Variants in GOLGA1 observed in about 807,000 individuals in gnomAD.
GOLGA1 encodes golgin A1, also known as golgin subfamily A member 1.
GOLGA1 carries 63 observed loss-of-function variants against 119.7 expected under a neutral mutation model. The observed-to-expected ratio is 0.53, with a 90% CI of 0.43 to 0.65. GOLGA1 has a LOEUF of 0.65. GOLGA1 is among the 30% of genes least tolerant of loss of function. GOLGA1 has a pLI of 0.00. For missense variants in GOLGA1, 798 were observed against 912.8 expected, an observed-to-expected ratio of 0.87 and a Z score of 1.62; for synonymous variants, 318 against 333.4, an observed-to-expected ratio of 0.95 and a Z score of 0.50.
At chr9:124,931,987 C>T (rs1830779168) in intron 3 of GOLGA1, among the ~76,000 whole-genome samples, 1 of 152,194 alleles carries the variant, frequency 6.6e-6, no homozygotes, top group Non-Finnish European at 1.5e-5. Flanking sequence ...ACTACTATTG[C>T]TATAGGCACT....
chr9:124,880,983 C>T lies in GOLGA1; in HGVS notation c.2223+188G>A, dbSNP rs561545546. Reference sequence around the variant, plus strand: ...GCCTGTTGGTCAAGTACAGCACAGACATTTGGGCACAAAGGATGTCATCGC... The same window carrying T: ...GCCTGTTGGTCAAGTACAGCACAGATATTTGGGCACAAAGGATGTCATCGC... On this transcript the variant is annotated intron_variant, in intron 22 of 22. Transcript: ENST00000373555. Among the ~76,000 whole-genome samples the T allele has an allele frequency of 8.5e-5, 13 of 152,300 alleles. No homozygotes were observed. The South Asian group carries it at 1.9e-3, about 22-fold the overall frequency.
At chr9:124,906,900 T>A (rs998302727) in intron 12 of GOLGA1, among the ~76,000 whole-genome samples, 1 of 152,148 alleles carries the variant, frequency 6.6e-6, no homozygotes, top group African/African-American at 2.4e-5. Flanking sequence ...AAATGGAATA[T>A]ATTTACATTG....
At position 124,889,328 on chromosome 9, in the gene GOLGA1, G is replaced by T. The variant is rs759213642; in HGVS notation, c.1601-25C>A. On this transcript the variant is annotated intron_variant, in intron 17 of 22. Coordinates refer to ENST00000373555, the MANE Select transcript of GOLGA1 (RefSeq NM_002077.4). ...CCTAGGTCGGGGAGGAGGGGAGGGGGCACTGTGAGCCCAGTGACTCCATGC... is the reference window on the plus strand; with the variant it reads ...CCTAGGTCGGGGAGGAGGGGAGGGGTCACTGTGAGCCCAGTGACTCCATGC... The T allele has an allele frequency of 3.2e-5, 51 of 1,610,818 alleles. No homozygotes were observed. In the East Asian group the frequency reaches 1.1e-3, roughly 35 times the overall value.
At chr9:124,936,433 G>C (rs1409124211) in intron 3 of GOLGA1, among the ~76,000 whole-genome samples, 1 of 151,878 alleles carries the variant, frequency 6.6e-6, no homozygotes, top group East Asian at 1.9e-4. Flanking sequence ...CAAATGCTGG[G>C]ATCTTTTTTT....
intron 12 of GOLGA1, 142 bp downstream of exon 12, chr9:124,908,235 A>G (rs1830270673): frequency 1.6e-6 from 1 of 631,490 alleles, no homozygotes; most frequent in East Asian, 2.7e-5. Flanking sequence ...GAAAATGACT[A>G]ACTCATCCCT....
chr9:124,882,592 GAAAGCCA>G, intron 19 of GOLGA1, 23 bp from the exon 20 acceptor site: 2 of 1,603,326 alleles, frequency 1.2e-6, no homozygotes, highest in Non-Finnish European at 8.5e-7. Flanking sequence ...CCACCCCACA[GAAAGCCA>G]ATCGTTAGAT....
chr9:124,925,441 G>C (rs1378319505), intron 7 of GOLGA1, among the ~76,000 whole-genome samples: 1 of 150,918 alleles, frequency 6.6e-6, no homozygotes, highest in African/African-American at 2.4e-5. Context: ...CTGTTGCCAG[G>C]CACAGTGGCT....
At chr9:124,936,170 G>A (rs1652293894) in intron 3 of GOLGA1, among the ~76,000 whole-genome samples, 1 of 152,178 alleles carries the variant, frequency 6.6e-6, no homozygotes, top group Non-Finnish European at 1.5e-5. Flanking sequence ...ATCTGTCACA[G>A]AACCCAGCCT....
At chr9:124,892,264 TTC>T (rs1253679600) in intron 15 of GOLGA1, among the ~76,000 whole-genome samples, 2 of 152,114 alleles carry the variant, frequency 1.3e-5, no homozygotes, top group African/African-American at 4.8e-5. Flanking sequence ...CCATTTTATT[TTC>T]TATTTCATTA....
chr9:124,933,767 C>A (rs1830814872), intron 3 of GOLGA1, among the ~76,000 whole-genome samples: 1 of 152,106 alleles, frequency 6.6e-6, no homozygotes, highest in African/African-American at 2.4e-5. Context: ...CATGACCAGT[C>A]CCCAATAAAA....
chr9:124,939,716 C>T (rs1830962396), intron 2 of GOLGA1, among the ~76,000 whole-genome samples: 1 of 151,994 alleles, frequency 6.6e-6, no homozygotes, highest in Non-Finnish European at 1.5e-5. Context: ...GAATGCGCCA[C>T]TATGCCCGGC....
rs752185218 is a variant in GOLGA1, at chr9:124,917,860, T to TA, written c.843+3268_843+3269insT. Reference sequence around the variant, plus strand: ...GGATCTGATCTGATATATATATATATTTTTTTTTTGAGACGGAGTTTCGCT... The same window carrying TA: ...GGATCTGATCTGATATATATATATATATTTTTTTTTGAGACGGAGTTTCGCT... On this transcript the variant is annotated intron_variant, in intron 10 of 22. Transcript: ENST00000373555. Among the ~76,000 whole-genome samples the TA allele has an allele frequency of 3.2e-3, 480 of 148,500 alleles. 3 individuals carry two copies. The highest frequency in any genetic ancestry group is 0.024 in the Middle Eastern group (7 of 292).
At chr9:124,910,813 G>A (rs911943695) in intron 11 of GOLGA1, among the ~76,000 whole-genome samples, 1 of 152,126 alleles carries the variant, frequency 6.6e-6, no homozygotes, top group Non-Finnish European at 1.5e-5. Context: ...GATCCAGGTT[G>A]CACACTCCTT....
At chr9:124,898,990 G>A (rs919592800) in intron 14 of GOLGA1, among the ~76,000 whole-genome samples, 6 of 152,132 alleles carry the variant, frequency 3.9e-5, no homozygotes, top group African/African-American at 1.4e-4. Context: ...GAGCCTAGGC[G>A]TTCAAGACCA....
At chr9:124,924,166 T>G (rs891976334) in intron 7 of GOLGA1, among the ~76,000 whole-genome samples, 1 of 152,150 alleles carries the variant, frequency 6.6e-6, no homozygotes, top group African/African-American at 2.4e-5. Context: ...TTATTTTACA[T>G]GTCTATTCTT....
intron 19 of GOLGA1, among the ~76,000 whole-genome samples, chr9:124,885,012 T>A (rs1003482007): frequency 2.6e-5 from 4 of 151,834 alleles, no homozygotes; most frequent in African/African-American, 9.7e-5. Context: ...CTGGCCAACA[T>A]GGCAAAACCC....
intron 19 of GOLGA1, among the ~76,000 whole-genome samples, chr9:124,885,831 CAG>C (rs1306333582): frequency 6.6e-6 from 1 of 152,132 alleles, no homozygotes; most frequent in Non-Finnish European, 1.5e-5. Flanking sequence ...AAGAGATCAA[CAG>C]AGACAGGCTT....
At position 124,888,629 on chromosome 9, in the gene GOLGA1, G is replaced by A. The variant is rs1829780981; in HGVS notation, c.1762-233C>T. Among the ~76,000 whole-genome samples the A allele has an allele frequency of 6.6e-6, 1 of 152,194 alleles. No individual in the cohort carries two copies. Among genetic ancestry groups the A allele is most frequent in the South Asian group, 2.1e-4 (1 of 4,832 alleles). Reference sequence around the variant, plus strand: ...TTGCTCTCCCCTGCCTACCGACAGGGGTGCCATCTGTGATGGGCTCTTCAG... The same window carrying A: ...TTGCTCTCCCCTGCCTACCGACAGGAGTGCCATCTGTGATGGGCTCTTCAG... On this transcript the variant is annotated intron_variant, in intron 18 of 22. Transcript: ENST00000373555. This position sits in a 1 kb window ranked among gnomAD's most constrained non-coding sequence, Gnocchi z 4.4.
At chr9:124,926,090 G>A (rs1286674060) in intron 7 of GOLGA1, among the ~76,000 whole-genome samples, 2 of 152,110 alleles carry the variant, frequency 1.3e-5, no homozygotes, top group African/African-American at 2.4e-5. Flanking sequence ...GGAAAGAGAC[G>A]GCCATCTCAA....
Sources: allele counts gnomAD v4.1 joint callset (sites outside exome capture counted in the v4.1 genomes callset), GRCh38; gene constraint gnomAD v4.1.1; non-coding constraint Gnocchi (gnomAD v3.1); transcripts MANE v1.5; gene names NCBI Gene and HGNC (gene_info 2026-07-23, HGNC 2026-07-21).